Variants in DAZL observed in about 807,000 individuals in gnomAD.
DAZL encodes deleted in azoospermia-like.
Under a neutral mutation model 45.0 loss-of-function variants are expected in DAZL, and 4 were observed. That is an observed-to-expected ratio of 0.09 (90% CI 0.04 to 0.20). The LOEUF is 0.20. Ranked by LOEUF, DAZL falls within the 10% of genes least tolerant of loss-of-function variation. The pLI, the probability that DAZL is intolerant of heterozygous loss-of-function variation, is 1.00. For missense variants in DAZL, 326 were observed against 351.3 expected, an observed-to-expected ratio of 0.93 and a Z score of 0.58; for synonymous variants, 122 against 112.4, an observed-to-expected ratio of 1.09 and a Z score of -0.54.
chr3:16,592,980 T>C (rs1006631517), intron 9 of DAZL, among the ~76,000 whole-genome samples: 1 of 152,208 alleles, frequency 6.6e-6, no homozygotes, highest in Admixed American at 6.5e-5. Context: ...CCCTGCCTAA[T>C]TCAATATTTG....
chr3:16,593,648 T>C lies in DAZL; in HGVS notation c.735+7A>G, dbSNP rs1559402071. The C allele has an allele frequency of 1.3e-6, 2 of 1,544,988 alleles. No homozygotes were observed. The highest frequency in any genetic ancestry group is 2.7e-5 in the African/African-American group (2 of 73,654). On this transcript the variant is annotated splice_region_variant and intron_variant, in intron 9 of 10. Coordinates refer to ENST00000399444, the MANE Select transcript of DAZL (RefSeq NM_001351.4). ...TGAAATATATATAAACAAAATTAGA[T>C]GTTTGCCTTTTGTGGGCCATTTCCA... is the stretch of plus-strand genomic sequence containing the variant.
In DAZL at chr3:16,594,585, TTAA is replaced by T; in HGVS notation, c.571-5_571-3del. The T allele has an allele frequency of 6.5e-7, 1 of 1,535,730 alleles. No homozygotes were observed. Among genetic ancestry groups the T allele is most frequent in the Non-Finnish European group, 8.7e-7 (1 of 1,147,538 alleles). On this transcript the variant is annotated splice_region_variant and splice_polypyrimidine_tract_variant and intron_variant, in intron 7 of 10. Transcript: ENST00000399444. ...CCCAACAGGCCACTGTGGTGGCATC[TTAA>T]AAAAAAAAAAAAGGAAACCAAAATT...
chr3:16,595,357 A>G lies in DAZL; in HGVS notation c.527T>C (p.Val176Ala). ...CAACTGATATCCAGTGATGACCTGA[A>G]CTGGTGAATTTGGGTAAGTAGGATA... ...QAYPTYPNSP[V>A]QVITGYQLPV... The change falls in exon 7 of 11, where the codon GTT (valine) becomes GCT (alanine). Residue 176 changes from valine to alanine, a missense_variant. By Grantham distance (64) the Val-to-Ala change is moderately conservative. Coordinates refer to ENST00000399444, the MANE Select transcript of DAZL (RefSeq NM_001351.4). The G allele has an allele frequency of 6.3e-7, 1 of 1,586,152 alleles. No individual in the cohort carries two copies.
At chr3:16,589,147 G>T (rs1694481372) in intron 10 of DAZL, among the ~76,000 whole-genome samples, 1 of 152,048 alleles carries the variant, frequency 6.6e-6, no homozygotes, top group African/African-American at 2.4e-5. Context: ...CATGTTTTTA[G>T]GTTAAAAGAT....
intron 9 of DAZL, among the ~76,000 whole-genome samples, chr3:16,592,559 ACT>A (rs1694537550): frequency 7.3e-6 from 1 of 137,176 alleles, no homozygotes; most frequent in African/African-American, 2.7e-5. Context: ...ACACAGCGAG[ACT>A]CTGTCTTGGG....
chr3:16,595,739 T>C (rs1298292508), intron 6 of DAZL, among the ~76,000 whole-genome samples: 2 of 152,086 alleles, frequency 1.3e-5, no homozygotes, highest in African/African-American at 4.8e-5. Flanking sequence ...ACATTTGCTA[T>C]TTCTTTGTCA....
intron 10 of DAZL, among the ~76,000 whole-genome samples, chr3:16,589,275 G>A (rs183913570): frequency 6.6e-6 from 1 of 152,284 alleles, no homozygotes; most frequent in East Asian, 1.9e-4. Context: ...GTTGCCTACA[G>A]ATGTGCAGAG....
In DAZL at chr3:16,587,099, A is replaced by T. The variant is rs1694449007; in HGVS notation, c.*1561T>A. The T allele has an allele frequency of 1.3e-5, 2 of 152,178 alleles. No individual in the cohort carries two copies. The highest frequency in any genetic ancestry group is 4.8e-5 in the African/African-American group (2 of 41,444). 9.4% of individuals were successfully genotyped at this position (152,178 alleles called of 1,614,324 possible). On this transcript the variant is annotated 3_prime_UTR_variant, in exon 11 of 11. Coordinates refer to ENST00000399444, the MANE Select transcript of DAZL (RefSeq NM_001351.4). ...TGTTATAGCACCAAAAAAACTACAG[A>T]TCATTTTTAAATGGACAAATTCATA...
At chr3:16,604,970 GC>G (rs1694755363) in intron 1 of DAZL, among the ~76,000 whole-genome samples, 1 of 152,222 alleles carries the variant, frequency 6.6e-6, no homozygotes, top group Non-Finnish European at 1.5e-5. Flanking sequence ...CGTCCTCGGG[GC>G]CCACCCCCAC....
chr3:16,597,080 A>G, intron 4 of DAZL, 29 bp from the exon 5 acceptor site: 1 of 1,598,218 alleles, frequency 6.3e-7, no homozygotes, highest in Middle Eastern at 2.3e-4. Context: ...CAAAACTAGA[A>G]TCAATTTTCA....
chr3:16,592,792 C>T (rs1238937053), intron 9 of DAZL, among the ~76,000 whole-genome samples: 6 of 152,100 alleles, frequency 3.9e-5, no homozygotes, highest in African/African-American at 9.7e-5. Context: ...AATATTTATT[C>T]GCATTTTAAA....
intron 10 of DAZL, among the ~76,000 whole-genome samples, chr3:16,589,020 C>A (rs1694479738): frequency 6.6e-6 from 1 of 152,002 alleles, no homozygotes; most frequent in African/African-American, 2.4e-5. Context: ...AATGATTTTG[C>A]AGTAATGTCC....
chr3:16,600,443 T>C (rs943081737), intron 1 of DAZL, among the ~76,000 whole-genome samples: 4 of 152,222 alleles, frequency 2.6e-5, no homozygotes. Flanking sequence ...TAATTCTTTC[T>C]TTTAATAGTG....
At chr3:16,596,453 G>T (rs1281258566) in intron 6 of DAZL, among the ~76,000 whole-genome samples, 2 of 151,850 alleles carry the variant, frequency 1.3e-5, no homozygotes, top group Admixed American at 6.6e-5. Context: ...GACACATAAC[G>T]ATAGCTGCTT....
intron 10 of DAZL, among the ~76,000 whole-genome samples, chr3:16,591,608 AT>A (rs1472532640): frequency 6.6e-6 from 1 of 151,756 alleles, no homozygotes; most frequent in Non-Finnish European, 1.5e-5. Context: ...TAAGTTTTGT[AT>A]TTTTTGTAGA....
At chr3:16,598,423 A>G (rs1328710434) in intron 2 of DAZL, 29 bp downstream of exon 2, 1 of 1,602,184 alleles carries the variant, frequency 6.2e-7, no homozygotes, top group Non-Finnish European at 8.5e-7. Context: ...AATGCATTTC[A>G]AGGTAAAAAT....
chr3:16,593,790 T>G, intron 8 of DAZL, 22 bp from the exon 9 acceptor site: 7 of 1,489,854 alleles, frequency 4.7e-6, no homozygotes, highest in Non-Finnish European at 6.5e-6. Context: ...ATAATGAAAG[T>G]GTAATTAAAC....
chr3:16,600,623 GTTCA>G (rs1208933079), intron 1 of DAZL, among the ~76,000 whole-genome samples: 1 of 152,118 alleles, frequency 6.6e-6, no homozygotes, highest in African/African-American at 2.4e-5. Flanking sequence ...TCCCTTCTCA[GTTCA>G]TTCAGAAATC....
intron 1 of DAZL, among the ~76,000 whole-genome samples, chr3:16,602,892 AT>A (rs1251728355): frequency 6.6e-6 from 1 of 152,138 alleles, no homozygotes; most frequent in African/African-American, 2.4e-5. Context: ...ACTACTATGT[AT>A]TTTTTTCCAC....
Sources: allele counts gnomAD v4.1 joint callset (sites outside exome capture counted in the v4.1 genomes callset), GRCh38; gene constraint gnomAD v4.1.1; transcripts MANE v1.5; gene names NCBI Gene and HGNC (gene_info 2026-07-23, HGNC 2026-07-21).